GET4: variants seen among roughly 807,000 people sequenced by gnomAD.
GET4 encodes Golgi to ER traffic protein 4 homolog.
GET4 carries 20 observed loss-of-function variants against 40.0 expected under a neutral mutation model. The ratio of observed to expected loss-of-function variants is 0.50; its 90% CI spans 0.35 to 0.73. GET4 has a LOEUF of 0.73. GET4 is among the 30% of genes least tolerant of loss of function. The probability of loss-of-function intolerance (pLI) is 0.01; values close to 1 mark genes in which losing one functional copy is unlikely to be tolerated. For missense variants in GET4, 557 were observed against 454.0 expected, an observed-to-expected ratio of 1.23 and a Z score of -2.06; for synonymous variants, 280 against 194.6, an observed-to-expected ratio of 1.44 and a Z score of -3.65.
In GET4 at chr7:895,800, G is replaced by A. The variant is rs565838060; in HGVS notation, c.*378G>A. 4.1e-4 allele frequency: 66 copies of A among 159,838 alleles called. 2 individuals are homozygous for A. Among genetic ancestry groups the A allele is most frequent in the Admixed American group, 2.2e-3 (34 of 15,494 alleles). The allele number at this position is 159,838 out of a possible 1,614,324, so 9.9% of individuals were successfully genotyped here. A position where few individuals can be genotyped will look rare whatever the true frequency, so the allele number is the denominator to read the frequency against. ...ACATCACGCTCCTTGCCGGGCGTCC[G>A]GCACAGCTGCGGTCACCAAAGCAGG... is the stretch of plus-strand genomic sequence containing the variant. On this transcript the variant is annotated 3_prime_UTR_variant, in exon 9 of 9. Transcript: ENST00000265857.
chr7:878,297 A>G (rs971526378), intron 1 of GET4: 1 of 471,138 alleles, frequency 2.1e-6, no homozygotes, highest in Non-Finnish European at 4.4e-6. Flanking sequence ...TTTTGCTGTC[A>G]TACAGTTACT....
chr7:890,886 A>G (rs1844306833), intron 4 of GET4, 42 bp from the exon 5 acceptor site: 3 of 1,476,354 alleles, frequency 2.0e-6, no homozygotes, highest in South Asian at 2.3e-5. Context: ...TCTGTGTTAT[A>G]TTCGTGAAAT....
intron 4 of GET4, among the ~76,000 whole-genome samples, chr7:890,388 TGGAGGGAGTGTGAGC>T (rs1290526766): frequency 0.13 from 4,686 of 37,092 alleles, 918 homozygotes; most frequent in African/African-American, 0.19. Context: ...GGTCTGGGAG[TGGAGGGAGTGTGAGC>T]GGGTGTTAGG....
chr7:884,476 G>A (rs1276904524), intron 1 of GET4: 6 of 727,118 alleles, frequency 8.3e-6, no homozygotes, highest in Non-Finnish European at 1.2e-5. Flanking sequence ...GCTGACGGGG[G>A]TGCGGGGGCA....
chr7:884,503 C>A (rs760055829), intron 1 of GET4: 9 of 484,028 alleles, frequency 1.9e-5, no homozygotes, highest in South Asian at 1.4e-4. Context: ...CTCTTGGGTG[C>A]GGGCTTTTCC....
intron 5 of GET4, among the ~76,000 whole-genome samples, chr7:891,435 C>G (rs908485479): frequency 7.2e-5 from 11 of 152,210 alleles, no homozygotes; most frequent in African/African-American, 2.7e-4. Flanking sequence ...GCCCCTCCCG[C>G]CAGCTCGCTG....
Position 893,925 on chromosome 7 carries a change from C to T in GET4, c.849C>T (p.Phe283=), listed in dbSNP as rs780309902. 6.8e-6 allele frequency: 11 copies of T among 1,608,956 alleles called. No homozygotes were observed. The highest frequency in any genetic ancestry group is 1.7e-5 in the Admixed American group (1 of 59,762). Residue 283 remains phenylalanine (F), a synonymous_variant, in exon 8 of 9, where the codon TTC becomes TTT. Coordinates refer to ENST00000265857, the MANE Select transcript of GET4 (RefSeq NM_015949.3). ...NEYLDRIGQL[F]FGVPPKQTSS... ...ACCTCGACCGCATAGGACAGCTGTTCTTCGGCGTCCCGCCCAAGCAGACGT... is the reference window on the plus strand; with the variant it reads ...ACCTCGACCGCATAGGACAGCTGTTTTTCGGCGTCCCGCCCAAGCAGACGT...
At chr7:892,595 T>C in intron 6 of GET4, 177 bp downstream of exon 6, 1 of 593,936 alleles carries the variant, frequency 1.7e-6, no homozygotes, top group East Asian at 2.8e-5. Flanking sequence ...TGTGTGCAGG[T>C]CTGTTGGGTG....
chr7:894,747 C>T (rs142772930), intron 8 of GET4, among the ~76,000 whole-genome samples: 207 of 152,282 alleles, frequency 1.4e-3, no homozygotes, highest in Middle Eastern at 6.8e-3. Context: ...CTGCCACGGC[C>T]GTGTCTTTGT....
chr7:894,426 G>A (rs912908339), intron 8 of GET4, among the ~76,000 whole-genome samples: 8 of 152,142 alleles, frequency 5.3e-5, no homozygotes, highest in Non-Finnish European at 8.8e-5. Context: ...TCACTGAGCC[G>A]CCTGCCTTCC....
chr7:887,027 A>C (rs1336906401), intron 3 of GET4: 2 of 533,800 alleles, frequency 3.7e-6, no homozygotes, highest in Non-Finnish European at 7.1e-6. Context: ...CCTGGCTGCA[A>C]GTCCCACTCC....
chr7:887,097 G>T, intron 3 of GET4: 1 of 642,874 alleles, frequency 1.6e-6, no homozygotes, highest in Non-Finnish European at 2.9e-6. Context: ...AGCGGCCACA[G>T]CTGTTCCTGG....
chr7:880,573 T>TC (rs1844064233), intron 1 of GET4: 1 of 152,210 alleles, frequency 6.6e-6, no homozygotes, highest in Non-Finnish European at 1.5e-5. Context: ...GCATGTGACA[T>TC]CGTGAGGTCA....
rs547275341 is a variant in GET4 at position 885,426 on chromosome 7, G to A, written c.156-630G>A. On this transcript the variant is annotated intron_variant, in intron 1 of 8. Transcript: ENST00000265857. ...TCCCCACCATACCTCTCGCCACCCC[G>A]TGCCTCTGTCCCCGTGCGGCCTGAG... The A allele has an allele frequency of 4.8e-4, 74 of 152,866 alleles. No individual in the cohort carries two copies. The South Asian group carries it at 0.014, about 29-fold the overall frequency. 9.5% of individuals were successfully genotyped at this position (152,866 alleles called of 1,614,324 possible).
intron 3 of GET4, chr7:886,906 T>C (rs1362629870): frequency 1.8e-5 from 10 of 554,944 alleles, no homozygotes; most frequent in Non-Finnish European, 3.3e-5. Context: ...TCCTCTCCAC[T>C]GCTCCGATGG....
At chr7:883,604 G>A (rs1330025130) in intron 1 of GET4, 2 of 985,370 alleles carry the variant, frequency 2.0e-6, no homozygotes, top group East Asian at 2.3e-4. Flanking sequence ...GCAGGCAGAA[G>A]CCATTTCCCT....
chr7:896,366 T>C lies in GET4; in HGVS notation c.*944T>C, dbSNP rs1844496692. ...TGGGAAGGGGAAACGCACAGCTTTA[T>C]TTACTGTAAAGTGGAATTTCAGGAA... On this transcript the variant is annotated 3_prime_UTR_variant, in exon 9 of 9. Coordinates refer to ENST00000265857, the MANE Select transcript of GET4 (RefSeq NM_015949.3). 1 of 152,212 alleles carries C rather than the reference T, an allele frequency of 6.6e-6. No homozygotes were observed. Among genetic ancestry groups the C allele is most frequent in the Non-Finnish European group, 1.5e-5 (1 of 68,032 alleles). The allele number at this position is 152,212 out of a possible 1,614,324, so 9.4% of individuals were successfully genotyped here.
In GET4 at chr7:876,670, G is replaced by A. The variant is rs755486086; in HGVS notation, c.25G>A (p.Glu9Lys). The change falls in exon 1 of 9, where the codon GAG (glutamate) becomes AAG (lysine). Residue 9 changes from glutamate (E) to lysine (K), a missense_variant. Transcript: ENST00000265857. The part of the protein sequence containing the change: MAAAAAMA[E>K]QESARNGGRN... ...GATGGCGGCGGCGGCGGCGATGGCCGAGCAGGAGAGCGCCCGGAACGGCGG... is the reference window on the plus strand; with the variant it reads ...GATGGCGGCGGCGGCGGCGATGGCCAAGCAGGAGAGCGCCCGGAACGGCGG... 2.0e-5 allele frequency: 27 copies of A among 1,319,478 alleles called. No individual in the cohort carries two copies. Among genetic ancestry groups the A allele is most frequent in the East Asian group, 1.1e-4 (3 of 27,772 alleles). 81.7% of individuals were successfully genotyped at this position (1,319,478 alleles called of 1,614,324 possible).
chr7:888,681 C>T (rs146581989), intron 4 of GET4, among the ~76,000 whole-genome samples: 271 of 152,380 alleles, frequency 1.8e-3, no homozygotes, highest in African/African-American at 6.4e-3. Flanking sequence ...GCTGGTGCCT[C>T]CGTGGCCCCT....
Sources: allele counts gnomAD v4.1 joint callset (sites outside exome capture counted in the v4.1 genomes callset), GRCh38; gene constraint gnomAD v4.1.1; transcripts MANE v1.5; gene names NCBI Gene and HGNC (gene_info 2026-07-23, HGNC 2026-07-21).